The following RYR1 variants were observed in gnomAD, a reference collection of about 807,000 sequenced individuals.
RYR1 encodes ryanodine receptor 1, also known as central core disease of muscle.
A neutral mutation model predicts 583.5 loss-of-function variants in RYR1; 342 were observed. The observed-to-expected ratio is 0.59, with a 90% CI of 0.54 to 0.64. The LOEUF (loss-of-function observed/expected upper bound fraction) is 0.64, where lower values mean the gene tolerates loss of function less well. Among genes scored for constraint, RYR1 ranks in the 30% least tolerant of loss-of-function variants. RYR1 has a pLI of 0.00. For missense variants in RYR1, 6,032 were observed against 6,917.2 expected (o/e 0.87, Z 4.54); for synonymous variants, 2,791 against 2,822.5 (o/e 0.99, Z 0.35).
In RYR1 at chr19:38,573,509, G is replaced by A. The variant is rs376220608; in HGVS notation, c.14129+202G>A. ...AGCCTGGACAACATGGTGAAATCCC[G>A]TCTCTACTAAAAGTACAAAAATTAG... On this transcript the variant is annotated intron_variant, in intron 96 of 105. Transcript: ENST00000359596. Among the ~76,000 whole-genome samples, 101 of 151,840 alleles carry A rather than the reference G, an allele frequency of 6.7e-4. 2 individuals carry two copies. In the South Asian group the frequency reaches 0.01, roughly 15 times the overall value.
In RYR1 at chr19:38,433,838, C is replaced by T; in HGVS notation, c.9C>T (p.Asp3=). MG[D]AEGEDEVQFL... ...CTTCCGACCTCGACATCATGGGTGA[C>T]GCAGAAGGCGAAGACGAGGTCCAGT... Residue 3 remains aspartate, a synonymous_variant, in exon 1 of 106, where the codon GAC becomes GAT. Transcript: ENST00000359596. 1 of 1,566,674 alleles carries T rather than the reference C, an allele frequency of 6.4e-7. No individual in the cohort carries two copies. The highest frequency in any genetic ancestry group is 8.7e-7 in the Non-Finnish European group (1 of 1,150,276).
Position 38,455,664 on chromosome 19 carries a change from T to A in RYR1, c.1704T>A (p.Ile568=), listed in dbSNP as rs1445866387. Residue 568 remains isoleucine (I), a synonymous_variant, in exon 16 of 106, where the codon ATT becomes ATA. Coordinates refer to ENST00000359596, the MANE Select transcript of RYR1 (RefSeq NM_000540.3). ...GILEVLYCVL[I]ESPEVLNIIQ... ...TGGAGGTCCTGTACTGTGTCCTCAT[T>A]GAGAGTCCAGAGGTTCTGAACATCA... 6.2e-7 allele frequency: 1 copy of A among 1,613,958 alleles called. No individual in the cohort carries two copies. Among genetic ancestry groups the A allele is most frequent in the South Asian group, 1.1e-5 (1 of 91,080 alleles).
In RYR1 at chr19:38,561,173, G is replaced by A. The variant is rs760759823; in HGVS notation, c.12343G>A (p.Glu4115Lys). ...PEIQFLLSCS[E>K]ADENEMINCE... Reference sequence around the variant, plus strand: ...AATCCAGTTCCTGCTTTCGTGCTCCGAAGCGGATGAGAACGAAATGATCAA... The same window carrying A: ...AATCCAGTTCCTGCTTTCGTGCTCCAAAGCGGATGAGAACGAAATGATCAA... Residue 4115 changes from glutamate (E) to lysine (K), a missense_variant, in exon 90 of 106, where the codon GAA (glutamate) becomes AAA (lysine). Transcript: ENST00000359596. The surrounding 1 kb of genome is among the most constrained non-coding windows in gnomAD (Gnocchi z 4.8). The A allele has an allele frequency of 5.6e-6, 9 of 1,614,128 alleles. No individual in the cohort carries two copies. Among genetic ancestry groups the A allele is most frequent in the East Asian group, 2.2e-5 (1 of 44,886 alleles).
Position 38,528,590 on chromosome 19 carries a change from C to T in RYR1, c.10938-9C>T, listed in dbSNP as rs201976186. 5.4e-4 allele frequency: 866 copies of T among 1,613,862 alleles called. 2 individuals carry two copies. Among genetic ancestry groups the T allele is most frequent in the Non-Finnish European group, 6.8e-4 (807 of 1,179,882 alleles). On this transcript the variant is annotated splice_polypyrimidine_tract_variant and intron_variant, in intron 74 of 105. Transcript: ENST00000359596. The stretch of plus-strand genomic sequence containing the variant: ...CGCGTCCCAGTGACGTCACACCTCT[C>T]CCCTGCAGGCACCGGGCATGTAACA...
At position 38,464,675 on chromosome 19, in the gene RYR1, G is replaced by A. The variant is rs750305530; in HGVS notation, c.2823G>A (p.Ala941=). 31 of 1,594,030 alleles carry A rather than the reference G, an allele frequency of 1.9e-5. No individual in the cohort carries two copies. Among genetic ancestry groups the A allele is most frequent in the South Asian group, 1.8e-4 (16 of 87,514 alleles). ...CTCTGGGCTGCCACGTGGGCATGGC[G>A]GATGAGAAGGCGGAGGACAACCTGA... ...LLALGCHVGM[A]DEKAEDNLKK... is the part of the protein sequence containing the mutation. The change falls in exon 23 of 106, where the codon GCG becomes GCA. Residue 941 remains alanine (A), a synonymous_variant. Transcript: ENST00000359596.
chr19:38,506,233 T>C lies in RYR1; in HGVS notation c.8542-70T>C, dbSNP rs972069628. The C allele has an allele frequency of 2.9e-5, 39 of 1,365,748 alleles. No individual in the cohort carries two copies. The Admixed American group carries it at 5.9e-4, about 21-fold the overall frequency. 84.6% of individuals were successfully genotyped at this position (1,365,748 alleles called of 1,614,324 possible). On this transcript the variant is annotated intron_variant, in intron 54 of 105. Transcript: ENST00000359596. ...GGGGGTAGAATGGACTAGTGGGGCCTGGGGAGGGGCTGGCCTGGGCTTCCT... is the reference window on the plus strand; with the variant it reads ...GGGGGTAGAATGGACTAGTGGGGCCCGGGGAGGGGCTGGCCTGGGCTTCCT...
At chr19:38,474,093 C>A (rs1316902028) in intron 28 of RYR1, among the ~76,000 whole-genome samples, 1 of 152,202 alleles carries the variant, frequency 6.6e-6, no homozygotes, top group Non-Finnish European at 1.5e-5. Context: ...ACTTCAGTAT[C>A]TTCCTAGGAG....
rs1239291603 is a variant in RYR1 at position 38,465,957 on chromosome 19, A to G, written c.2871-134A>G. On this transcript the variant is annotated intron_variant, in intron 23 of 105. Coordinates refer to ENST00000359596, the MANE Select transcript of RYR1 (RefSeq NM_000540.3). ...CTCAAAACTTATTCTAAAATTTCAT[A>G]GAACTGCAACATTATATCAAAGGTC... The G allele has an allele frequency of 1.9e-5, 16 of 857,552 alleles. No homozygotes were observed. In the East Asian group the frequency reaches 4.3e-4, roughly 23 times the overall value. 53.1% of individuals were successfully genotyped at this position (857,552 alleles called of 1,614,324 possible).
At chr19:38,579,631 G>C (rs1263418852) in intron 99 of RYR1, among the ~76,000 whole-genome samples, 6 of 151,182 alleles carry the variant, frequency 4.0e-5, no homozygotes, top group Non-Finnish European at 8.8e-5. Flanking sequence ...AGATGATGGA[G>C]TCTCGCTATG....
chr19:38,528,283 C>T (rs759924130), intron 73 of RYR1, 23 bp from the exon 74 acceptor site: 13 of 1,592,216 alleles, frequency 8.2e-6, no homozygotes, highest in Non-Finnish European at 9.5e-6. Flanking sequence ...GGGGATGTGA[C>T]TGTCCTGCTA....
intron 101 of RYR1, among the ~76,000 whole-genome samples, chr19:38,583,350 G>A (rs149570857): frequency 3.4e-5 from 5 of 148,942 alleles, no homozygotes; most frequent in African/African-American, 1.2e-4. Context: ...GGGGTGACAC[G>A]CACCTGTATT....
chr19:38,478,547 A>C lies in RYR1; in HGVS notation c.4567A>C (p.Thr1523Pro). ...CATTGGGTGCCTGGTGGACTTGGCCACTGGCTTAATGACCTTTACAGCCAA... is the reference window on the plus strand; with the variant it reads ...CATTGGGTGCCTGGTGGACTTGGCCCCTGGCTTAATGACCTTTACAGCCAA... ...LVIGCLVDLA[T>P]GLMTFTANGK... Residue 1523 changes from threonine (T) to proline (P), a missense_variant, in exon 31 of 106, where the codon ACT becomes CCT. By Grantham distance (38) the Thr-to-Pro change is conservative (BLOSUM62 -1). Around this residue, in one of 11 missense-constraint regions of RYR1, gnomAD observed 2,627 missense variants for 2,961.3 expected, o/e 0.89. Transcript: ENST00000359596. 6.2e-7 allele frequency: 1 copy of C among 1,614,104 alleles called. No homozygotes were observed. The highest frequency in any genetic ancestry group is 2.2e-5 in the East Asian group (1 of 44,880).
chr19:38,501,324 C>T (rs113750580), intron 47 of RYR1, among the ~76,000 whole-genome samples: 25,425 of 151,854 alleles, frequency 0.17, 2,263 homozygotes, highest in East Asian at 0.32. Context: ...ATGGTGAAAC[C>T]GCATCTCTAC....
At chr19:38,563,220 G>A (rs1359571562) in intron 90 of RYR1, among the ~76,000 whole-genome samples, 3 of 152,220 alleles carry the variant, frequency 2.0e-5, no homozygotes, top group Non-Finnish European at 4.4e-5. Context: ...GTATGCCCAT[G>A]TGGCCTTGGA....
At position 38,587,312 on chromosome 19, in the gene RYR1, TC is replaced by T. The variant is rs772488919; in HGVS notation, c.15022-9del. The T allele has an allele frequency of 3.2e-6, 5 of 1,580,706 alleles. No homozygotes were observed. In the South Asian group the frequency reaches 5.5e-5, roughly 17 times the overall value. On this transcript the variant is annotated splice_polypyrimidine_tract_variant and intron_variant, in intron 105 of 105. Transcript: ENST00000359596. The stretch of plus-strand genomic sequence containing the variant: ...AGATGTGACCAATGAACTCTTTCTA[TC>T]CCCAATCCTAGGAGTCTTATGTCTG...
At chr19:38,511,519 C>G (rs762220321) in intron 60 of RYR1, 42 bp from the exon 61 acceptor site, 2 of 1,610,378 alleles carry the variant, frequency 1.2e-6, no homozygotes, top group African/African-American at 2.7e-5. Flanking sequence ...GGCCTCCTCA[C>G]TCGCTGTTTC....
Position 38,575,908 on chromosome 19 carries a change from TC to T in RYR1, c.14130-10del. ...ATCTTATACTCACGCTTTCTCTCTC[TC>T]TCTCTGCAGGTCTTTCCCTAGCAAC... On this transcript the variant is annotated splice_polypyrimidine_tract_variant and intron_variant, in intron 96 of 105. Transcript: ENST00000359596. The T allele has an allele frequency of 6.2e-7, 1 of 1,614,152 alleles. No individual in the cohort carries two copies. Among genetic ancestry groups the T allele is most frequent in the Admixed American group, 1.7e-5 (1 of 60,012 alleles).
chr19:38,539,202 A>G (rs1426995619), intron 84 of RYR1, among the ~76,000 whole-genome samples: 1 of 142,274 alleles, frequency 7.0e-6, no homozygotes, highest in Non-Finnish European at 1.6e-5. Context: ...TTCAAGGTTT[A>G]TTAAATACCT....
rs73933006 is a variant in RYR1 at position 38,506,007 on chromosome 19, G to C, written c.8541+61G>C. On this transcript the variant is annotated intron_variant, in intron 54 of 105. Transcript: ENST00000359596. Reference sequence around the variant, plus strand: ...ATGGGGGGAGGGTCTAGAACAAGGGGCATGGCCAGACAGGGAAGGGATGGA... The same window carrying C: ...ATGGGGGGAGGGTCTAGAACAAGGGCCATGGCCAGACAGGGAAGGGATGGA... 2,439 of 1,592,928 alleles carry C rather than the reference G, an allele frequency of 1.5e-3. 38 individuals carry two copies. The African/African-American group carries it at 0.029, about 19-fold the overall frequency.
Sources: gnomAD v4.1 joint callset for allele counts (sites outside exome capture counted in the v4.1 genomes callset) on GRCh38, gnomAD v4.1.1 for gene constraint, gnomAD v4.1.1 regional missense constraint, Gnocchi (gnomAD v3.1) non-coding constraint, MANE v1.5 for transcripts, NCBI Gene and HGNC (gene_info 2026-07-23, HGNC 2026-07-21) for gene names.